PARD3B: variants seen among roughly 807,000 people sequenced by gnomAD.
PARD3B encodes par-3 family cell polarity regulator beta.
In PARD3B, 103 loss-of-function variants were observed where a neutral mutation model predicts 130.2. That is an observed-to-expected ratio of 0.79 (90% CI 0.67 to 0.93). The LOEUF (loss-of-function observed/expected upper bound fraction) is 0.93, where lower values mean the gene tolerates loss of function less well. Ranked by LOEUF, PARD3B falls within the 40% of genes least tolerant of loss-of-function variation. The pLI is 0.00. For missense variants in PARD3B, 1,609 were observed against 1,499.2 expected (o/e 1.07, Z -1.21); for synonymous variants, 583 against 553.2 (o/e 1.05, Z -0.76).
At chr2:204,639,893 A>G (rs886094177) in intron 1 of PARD3B, among the ~76,000 whole-genome samples, 7 of 152,208 alleles carry the variant, frequency 4.6e-5, no homozygotes, top group African/African-American at 1.7e-4. Context: ...ATAGGAACAC[A>G]GGCTATCTGA....
chr2:205,510,826 T>G (rs1294586980), intron 21 of PARD3B, among the ~76,000 whole-genome samples: 1 of 152,222 alleles, frequency 6.6e-6, no homozygotes, highest in Non-Finnish European at 1.5e-5. Context: ...AAAAATGGCA[T>G]CATTTACTCA....
intron 3 of PARD3B, among the ~76,000 whole-genome samples, chr2:204,997,956 G>GTA (rs1694372097): frequency 8.8e-6 from 1 of 114,158 alleles, no homozygotes; most frequent in African/African-American, 3.1e-5. Flanking sequence ...TATAGTGAGT[G>GTA]TATGTGTATA....
At chr2:204,750,595 CACATACATACATACATACAT>C (rs138390138) in intron 2 of PARD3B, among the ~76,000 whole-genome samples, 2 of 149,668 alleles carry the variant, frequency 1.3e-5, no homozygotes, top group African/African-American at 4.9e-5. Context: ...CAAAAATACA[CACATACATACATACATACAT>C]ACATACATAC....
intron 21 of PARD3B, among the ~76,000 whole-genome samples, chr2:205,529,527 CT>C (rs1559183041): frequency 6.6e-6 from 1 of 151,416 alleles, no homozygotes; most frequent in Non-Finnish European, 1.5e-5. Flanking sequence ...ACTTTTTTTC[CT>C]TTTTAACTTC....
At chr2:205,423,058 T>C (rs1388160272) in intron 19 of PARD3B, among the ~76,000 whole-genome samples, 1 of 152,146 alleles carries the variant, frequency 6.6e-6, no homozygotes, top group Non-Finnish European at 1.5e-5. Context: ...CGACATCCAG[T>C]GGAGTAGGAA....
Position 205,572,391 on chromosome 2 carries a change from A to G in PARD3B, c.3260+18988A>G, listed in dbSNP as rs2053589359. Among the ~76,000 whole-genome samples the G allele has an allele frequency of 6.6e-6, 1 of 152,220 alleles. No homozygotes were observed. Among genetic ancestry groups the G allele is most frequent in the African/African-American group, 2.4e-5 (1 of 41,460 alleles). On this transcript the variant is annotated intron_variant, in intron 22 of 22. Coordinates refer to ENST00000406610, the MANE Select transcript of PARD3B (RefSeq NM_001302769.2). The surrounding 1 kb of genome is among the most constrained non-coding windows in gnomAD (Gnocchi z 4.2). ...GGCCCTTGAAGGTGTTTAAAGAAAG[A>G]AATGGTTTAATCAGATTTGCACTGT...
At chr2:205,111,053 T>C (rs1703611171) in intron 5 of PARD3B, among the ~76,000 whole-genome samples, 2 of 152,112 alleles carry the variant, frequency 1.3e-5, no homozygotes, top group African/African-American at 4.8e-5. Flanking sequence ...AACTGGTCCA[T>C]GGGGCATTAT....
intron 21 of PARD3B, among the ~76,000 whole-genome samples, chr2:205,547,301 A>G (rs949409018): frequency 3.3e-5 from 5 of 152,158 alleles, no homozygotes; most frequent in Non-Finnish European, 4.4e-5. Flanking sequence ...CTCCCCATCA[A>G]TCCACCGAAA....
chr2:205,066,731 G>GT (rs1700402591), intron 4 of PARD3B, among the ~76,000 whole-genome samples: 1 of 152,072 alleles, frequency 6.6e-6, no homozygotes, highest in Admixed American at 6.6e-5. Context: ...GAGGAAACAT[G>GT]TTTTTTCTGC....
rs542295026 is a variant in PARD3B at position 204,911,230 on chromosome 2, G to A, written c.223-53922G>A. Among the ~76,000 whole-genome samples, 6 of 152,322 alleles carry A rather than the reference G, an allele frequency of 3.9e-5. No homozygotes were observed. The East Asian group carries it at 1.2e-3, about 29-fold the overall frequency. ...ATGTGAGAGACAGCTGTTTCCAGTT[G>A]TGCTAGAGCAGGGAGAGCAAGTTGA... On this transcript the variant is annotated intron_variant, in intron 2 of 22. Transcript: ENST00000406610.
At chr2:205,036,721 C>G (rs982021570) in intron 3 of PARD3B, among the ~76,000 whole-genome samples, 4 of 142,848 alleles carry the variant, frequency 2.8e-5, no homozygotes, top group Non-Finnish European at 4.6e-5. Flanking sequence ...TATATATACA[C>G]AGCGGACTGT....
intron 2 of PARD3B, among the ~76,000 whole-genome samples, chr2:204,895,448 A>G (rs993916458): frequency 6.6e-6 from 1 of 152,108 alleles, no homozygotes; most frequent in Non-Finnish European, 1.5e-5. Flanking sequence ...AGCCAAAGCT[A>G]GTGTTTTTCA....
chr2:205,330,317 G>C (rs187174678), intron 18 of PARD3B, among the ~76,000 whole-genome samples: 81 of 152,174 alleles, frequency 5.3e-4, no homozygotes, highest in Non-Finnish European at 4.9e-4. Flanking sequence ...CTCCAGCCTG[G>C]GAGACAGAGC....
At chr2:205,180,195 A>G (rs752176954) in intron 13 of PARD3B, among the ~76,000 whole-genome samples, 2 of 151,088 alleles carry the variant, frequency 1.3e-5, no homozygotes, top group Non-Finnish European at 2.9e-5. Context: ...CTGTGCTACC[A>G]TACTAGATTA....
rs548603709 is a variant in PARD3B, at chr2:204,669,756, C to T, written c.121-16425C>T. 1.8e-4 allele frequency among the ~76,000 whole-genome samples: 28 copies of T among 151,894 alleles called. No individual in the cohort carries two copies. In the East Asian group the frequency reaches 4.3e-3, roughly 23 times the overall value. On this transcript the variant is annotated intron_variant, in intron 1 of 22. Coordinates refer to ENST00000406610, the MANE Select transcript of PARD3B (RefSeq NM_001302769.2). This position sits in a 1 kb window ranked among gnomAD's most constrained non-coding sequence, Gnocchi z 4.3. Reference sequence around the variant, plus strand: ...AGTAGCATAAAAGTAAAGGTAGAGCCGACAGAAATGGGAAGGGAAGGGGTG... The same window carrying T: ...AGTAGCATAAAAGTAAAGGTAGAGCTGACAGAAATGGGAAGGGAAGGGGTG...
At chr2:204,659,177 A>G (rs1203100892) in intron 1 of PARD3B, among the ~76,000 whole-genome samples, 1 of 152,206 alleles carries the variant, frequency 6.6e-6, no homozygotes, top group African/African-American at 2.4e-5. Flanking sequence ...AGAGTAATCA[A>G]TAGCAGAGAT....
At chr2:205,361,147 G>A (rs186421800) in intron 18 of PARD3B, among the ~76,000 whole-genome samples, 89 of 152,236 alleles carry the variant, frequency 5.8e-4, no homozygotes, top group African/African-American at 2.0e-3. Context: ...AAAGCAAATG[G>A]GCGTGCAACT....
intron 2 of PARD3B, among the ~76,000 whole-genome samples, chr2:204,904,714 T>A (rs1278290836): frequency 6.6e-6 from 1 of 152,130 alleles, no homozygotes; most frequent in Admixed American, 6.5e-5. Context: ...TGAAAGATTT[T>A]GTTTTTTATA....
chr2:205,084,886 CTATATATTCCTTTCCTAA>C (rs1182464602), intron 4 of PARD3B, among the ~76,000 whole-genome samples: 1 of 151,916 alleles, frequency 6.6e-6, no homozygotes, highest in Non-Finnish European at 1.5e-5. Flanking sequence ...AACTTTTTCT[CTATATATTCCTTTCCTAA>C]TATGTTTCAT....
Sources: gnomAD v4.1 joint callset for allele counts (sites outside exome capture counted in the v4.1 genomes callset) on GRCh38, gnomAD v4.1.1 for gene constraint, Gnocchi (gnomAD v3.1) non-coding constraint, MANE v1.5 for transcripts, NCBI Gene and HGNC (gene_info 2026-07-23, HGNC 2026-07-21) for gene names.